SUZ12: variants seen among roughly 807,000 people sequenced by gnomAD.
SUZ12 encodes SUZ12 polycomb repressive complex 2 subunit, also known as polycomb protein SUZ12.
Under a neutral mutation model 87.3 loss-of-function variants are expected in SUZ12, and 17 were observed. That is an observed-to-expected ratio of 0.19 (90% CI 0.13 to 0.29). The LOEUF is 0.29. Ranked by LOEUF, SUZ12 falls within the 10% of genes least tolerant of loss-of-function variation. The pLI, the probability that SUZ12 is intolerant of heterozygous loss-of-function variation, is 1.00. For synonymous variants in SUZ12, 253 were observed against 312.4 expected (o/e 0.81, Z 2.01); for missense variants, 526 against 912.2 (o/e 0.58, Z 5.45).
chr17:31,950,152 A>C (rs1347977720), intron 4 of SUZ12, among the ~76,000 whole-genome samples: 2 of 149,192 alleles, frequency 1.3e-5, no homozygotes, highest in South Asian at 4.3e-4. Context: ...ACACCGAACT[A>C]ATTTTTTCTT....
chr17:31,995,126 C>T (rs538481890), intron 13 of SUZ12, among the ~76,000 whole-genome samples: 1 of 152,224 alleles, frequency 6.6e-6, no homozygotes, highest in South Asian at 2.1e-4. Context: ...AAAAAAATTA[C>T]AAAGAGGGAA....
intron 10 of SUZ12, 106 bp downstream of exon 10, chr17:31,988,603 T>TG (rs1909536556): frequency 8.1e-7 from 1 of 1,229,788 alleles, no homozygotes; most frequent in East Asian, 2.7e-5. Flanking sequence ...TCTTCTTTTT[T>TG]TTTTTTTGAG....
At chr17:31,996,016 C>A (rs983388814) in intron 14 of SUZ12, among the ~76,000 whole-genome samples, 1 of 152,082 alleles carries the variant, frequency 6.6e-6, no homozygotes, top group African/African-American at 2.4e-5. Context: ...CAAGACCAGT[C>A]TGGACAGCAT....
At chr17:31,971,982 T>G (rs1478080285) in intron 5 of SUZ12, among the ~76,000 whole-genome samples, 1 of 151,346 alleles carries the variant, frequency 6.6e-6, no homozygotes, top group African/African-American at 2.4e-5. Flanking sequence ...ATCTTCAAAT[T>G]AGAAATATTC....
chr17:31,952,439 T>C (rs1489253427), intron 4 of SUZ12, among the ~76,000 whole-genome samples: 1 of 152,154 alleles, frequency 6.6e-6, no homozygotes, highest in Non-Finnish European at 1.5e-5. Flanking sequence ...GTTTTGAATT[T>C]TTCATGGATT....
intron 10 of SUZ12, among the ~76,000 whole-genome samples, chr17:31,989,993 C>T (rs1264819380): frequency 6.8e-6 from 1 of 147,746 alleles, no homozygotes; most frequent in Non-Finnish European, 1.5e-5. Flanking sequence ...GATGGAGTCT[C>T]GCCCAGGCTG....
intron 4 of SUZ12, chr17:31,965,681 AG>A (rs1221681439): frequency 1.3e-5 from 2 of 152,508 alleles, no homozygotes; most frequent in African/African-American, 4.8e-5. Context: ...GCATGGATTT[AG>A]CTACGCTTTT....
At chr17:31,977,841 A>G (rs1395192302) in intron 8 of SUZ12, among the ~76,000 whole-genome samples, 1 of 151,828 alleles carries the variant, frequency 6.6e-6, no homozygotes, top group Non-Finnish European at 1.5e-5. Context: ...GTGAGCCGAG[A>G]TCACACCACT....
At chr17:31,962,861 C>G (rs1907820599) in intron 4 of SUZ12, among the ~76,000 whole-genome samples, 1 of 152,212 alleles carries the variant, frequency 6.6e-6, no homozygotes, top group Non-Finnish European at 1.5e-5. Context: ...GAAAGTTAAT[C>G]TGGTCTTAGT....
At chr17:31,945,249 T>G (rs1598148306) in intron 3 of SUZ12, among the ~76,000 whole-genome samples, 2 of 152,228 alleles carry the variant, frequency 1.3e-5, no homozygotes, top group Admixed American at 6.6e-5. Context: ...TCAAAATGTT[T>G]TCAGAACTCG....
intron 10 of SUZ12, among the ~76,000 whole-genome samples, chr17:31,990,402 C>T (rs1022994664): frequency 1.3e-5 from 2 of 151,976 alleles, no homozygotes; most frequent in Admixed American, 6.6e-5. Context: ...TGAGCCACCG[C>T]GCCCAGGCTG....
Position 32,000,046 on chromosome 17 carries a change from T to C in SUZ12, c.*1043T>C, listed in dbSNP as rs2142224582. 4.3e-6 allele frequency: 1 copy of C among 233,016 alleles called. No homozygotes were observed. Among genetic ancestry groups the C allele is most frequent in the East Asian group, 6.1e-5 (1 of 16,460 alleles). 14.4% of individuals were successfully genotyped at this position (233,016 alleles called of 1,614,324 possible). On this transcript the variant is annotated 3_prime_UTR_variant, in exon 16 of 16. Coordinates refer to ENST00000322652, the MANE Select transcript of SUZ12 (RefSeq NM_015355.4). ...GCAATTTTGCCCTGTGTTATATGTG[T>C]TTCACGCACATATTTGCAGTTGGAT...
chr17:31,978,651 A>AAC (rs1178269920), intron 8 of SUZ12, among the ~76,000 whole-genome samples: 2 of 152,176 alleles, frequency 1.3e-5, no homozygotes, highest in Non-Finnish European at 2.9e-5. Flanking sequence ...CGATGCTGTT[A>AAC]ATTGTTCTAT....
At position 31,980,429 on chromosome 17, in the gene SUZ12, C is replaced by CTTTTTTTTTTTTTTTTTTTTTTT. The variant is rs58491591; in HGVS notation, c.918-2555_918-2533dup. On this transcript the variant is annotated intron_variant, in intron 8 of 15. Coordinates refer to ENST00000322652, the MANE Select transcript of SUZ12 (RefSeq NM_015355.4). ...TAAGATATACCAGAATCACCTTCTC[C>CTTTTTTTTTTTTTTTTTTTTTTT]TTTTTTTTTTTTTTTTTTTTTTTTT... is the stretch of plus-strand genomic sequence containing the variant. Among the ~76,000 whole-genome samples, 5 of 53,834 alleles carry CTTTTTTTTTTTTTTTTTTTTTTT rather than the reference C, an allele frequency of 9.3e-5. 1 individual carries two copies. The highest frequency in any genetic ancestry group is 1.3e-4 in the Non-Finnish European group (4 of 30,162). The allele number at this position is 53,834 out of a possible 152,430, so 35.3% of individuals were successfully genotyped here. A position where few individuals can be genotyped will look rare whatever the true frequency, so the allele number is the denominator to read the frequency against.
intron 5 of SUZ12, among the ~76,000 whole-genome samples, chr17:31,970,855 A>AT (rs1491103372): frequency 6.6e-6 from 1 of 151,940 alleles, no homozygotes; most frequent in African/African-American, 2.4e-5. Flanking sequence ...AGAACAAAAA[A>AT]TTTTTTTTGT....
chr17:31,952,028 GCC>G, intron 4 of SUZ12, among the ~76,000 whole-genome samples: 1 of 151,782 alleles, frequency 6.6e-6, no homozygotes, highest in Non-Finnish European at 1.5e-5. Flanking sequence ...TTCCACCTTG[GCC>G]TCTCAAAGTG....
chr17:31,938,999 A>G (rs1906108704), intron 1 of SUZ12, among the ~76,000 whole-genome samples: 1 of 152,204 alleles, frequency 6.6e-6, no homozygotes, highest in Admixed American at 6.5e-5. Context: ...TAATGACCTA[A>G]CGTGACACTA....
intron 4 of SUZ12, among the ~76,000 whole-genome samples, chr17:31,955,776 C>G (rs1480828485): frequency 6.6e-6 from 1 of 151,878 alleles, no homozygotes; most frequent in Non-Finnish European, 1.5e-5. Context: ...GATCCATTGT[C>G]TTGTCATGTT....
intron 5 of SUZ12, among the ~76,000 whole-genome samples, chr17:31,969,139 C>A (rs1018247930): frequency 6.6e-6 from 1 of 151,892 alleles, no homozygotes; most frequent in Non-Finnish European, 1.5e-5. Flanking sequence ...ACCACACAAG[C>A]TAATTTTTTT....
Sources: allele counts gnomAD v4.1 joint callset (sites outside exome capture counted in the v4.1 genomes callset), GRCh38; gene constraint gnomAD v4.1.1; transcripts MANE v1.5; gene names NCBI Gene and HGNC (gene_info 2026-07-23, HGNC 2026-07-21).